SLC23A2: variants seen among roughly 807,000 people sequenced by gnomAD.
SLC23A2 encodes solute carrier family 23 member 2, also known as Na(+)/L-ascorbic acid transporter 2.
SLC23A2 carries 36 observed loss-of-function variants against 73.3 expected under a neutral mutation model. The observed-to-expected ratio is 0.49, with a 90% CI of 0.38 to 0.65. The LOEUF (loss-of-function observed/expected upper bound fraction) is 0.65, where lower values mean the gene tolerates loss of function less well. SLC23A2 is among the 30% of genes least tolerant of loss of function. The pLI is 0.00. For missense variants in SLC23A2, 507 were observed against 841.6 expected (o/e 0.60, Z 4.92); for synonymous variants, 343 against 327.3 (o/e 1.05, Z -0.52).
At chr20:4,871,695 T>G (rs988482218) in intron 11 of SLC23A2, among the ~76,000 whole-genome samples, 1 of 152,062 alleles carries the variant, frequency 6.6e-6, no homozygotes, top group Non-Finnish European at 1.5e-5. Context: ...CGGCCCTTGG[T>G]CAGGGGTGCA....
At chr20:4,879,669 C>T (rs1014257698) in intron 9 of SLC23A2, among the ~76,000 whole-genome samples, 7 of 152,000 alleles carry the variant, frequency 4.6e-5, no homozygotes, top group South Asian at 4.1e-4. Context: ...GGTGATGGAG[C>T]GGGATCCTGT....
At chr20:4,974,061 G>A (rs2087606330) in intron 1 of SLC23A2, among the ~76,000 whole-genome samples, 1 of 152,142 alleles carries the variant, frequency 6.6e-6, no homozygotes, top group African/African-American at 2.4e-5. Context: ...TCAAAAGCAG[G>A]AAGGAGAGAA....
At chr20:4,864,699 A>G (rs1215032760) in intron 13 of SLC23A2, among the ~76,000 whole-genome samples, 1 of 152,202 alleles carries the variant, frequency 6.6e-6, no homozygotes, top group Non-Finnish European at 1.5e-5. Context: ...TCTCACTGCT[A>G]TGCTGTTCTG....
intron 10 of SLC23A2, 82 bp from the exon 11 acceptor site, chr20:4,874,174 T>TGTTTTTTGTGTTTC: frequency 7.3e-7 from 1 of 1,371,828 alleles, no homozygotes; most frequent in East Asian, 2.3e-5. Context: ...GCGGTCGGAA[T>TGTTTTTTGTGTTTC]ATCACACCCC....
intron 2 of SLC23A2, among the ~76,000 whole-genome samples, chr20:4,967,530 C>T (rs1044494305): frequency 1.3e-5 from 2 of 152,178 alleles, no homozygotes; most frequent in Admixed American, 1.3e-4. Context: ...TGTGAAACCA[C>T]CCAATTTCTC....
At chr20:4,952,527 G>A (rs751264703) in intron 2 of SLC23A2, among the ~76,000 whole-genome samples, 3 of 152,072 alleles carry the variant, frequency 2.0e-5, no homozygotes, top group Non-Finnish European at 2.9e-5. Flanking sequence ...AAGAAAAGGA[G>A]GGAAAGAAAG....
At chr20:4,928,512 C>A (rs1715371) in intron 3 of SLC23A2, among the ~76,000 whole-genome samples, 5,960 of 152,230 alleles carry the variant, frequency 0.039, 172 homozygotes, top group Middle Eastern at 0.085. Flanking sequence ...GCATCCCTGA[C>A]ACCAAATCAT....
intron 6 of SLC23A2, among the ~76,000 whole-genome samples, chr20:4,892,122 G>C (rs1314480682): frequency 6.6e-6 from 1 of 152,012 alleles, no homozygotes; most frequent in Non-Finnish European, 1.5e-5. Context: ...CCAAAGTCAC[G>C]TGACTATTAA....
At chr20:4,894,000 G>T (rs1398573550) in intron 6 of SLC23A2, among the ~76,000 whole-genome samples, 1 of 152,136 alleles carries the variant, frequency 6.6e-6, no homozygotes, top group Non-Finnish European at 1.5e-5. Flanking sequence ...AAGCTCAGAG[G>T]TGCCACAAAA....
chr20:4,928,603 A>G (rs1359599768), intron 3 of SLC23A2, among the ~76,000 whole-genome samples: 1 of 152,120 alleles, frequency 6.6e-6, no homozygotes, highest in Non-Finnish European at 1.5e-5. Context: ...CCATGATTCC[A>G]GCTCTATTCC....
At chr20:4,874,232 T>C (rs1930568481) in intron 10 of SLC23A2, 140 bp from the exon 11 acceptor site, 5 of 726,644 alleles carry the variant, frequency 6.9e-6, no homozygotes, top group Admixed American at 3.0e-5. Flanking sequence ...GAATGGACTC[T>C]CACTGAGAGA....
intron 4 of SLC23A2, among the ~76,000 whole-genome samples, chr20:4,905,929 G>A (rs369758647): frequency 6.6e-6 from 1 of 152,194 alleles, no homozygotes; most frequent in Non-Finnish European, 1.5e-5. Flanking sequence ...CCGCTGTAGC[G>A]TTTCAAACTG....
rs781271986 is a variant in SLC23A2 at position 4,859,243 on chromosome 20, T to TAAA, written c.1720+45_1720+46insTTT. On this transcript the variant is annotated intron_variant, in intron 16 of 16. Transcript: ENST00000338244. ...TTTGGCAAAAAAAGTAACACATATGTTAAAAAATAAAAAAAAAAAAAGTGT... is the reference window on the plus strand; with the variant it reads ...TTTGGCAAAAAAAGTAACACATATGTAAATAAAAAATAAAAAAAAAAAAAGTGT... 5,101 of 1,071,164 alleles carry TAAA rather than the reference T, an allele frequency of 4.8e-3. 221 individuals are homozygous for TAAA. Among genetic ancestry groups the TAAA allele is most frequent in the South Asian group, 7.9e-3 (549 of 69,528 alleles). 66.4% of individuals were successfully genotyped at this position (1,071,164 alleles called of 1,614,324 possible). A position where few individuals can be genotyped will look rare whatever the true frequency, so the allele number is the denominator to read the frequency against.
intron 3 of SLC23A2, among the ~76,000 whole-genome samples, chr20:4,917,408 G>A (rs985673565): frequency 2.0e-5 from 3 of 152,118 alleles, no homozygotes; most frequent in Admixed American, 6.6e-5. Context: ...TGAGTACAGC[G>A]GGGAGATGCC....
chr20:4,990,308 T>C (rs1033895428), intron 1 of SLC23A2, among the ~76,000 whole-genome samples: 7 of 152,146 alleles, frequency 4.6e-5, no homozygotes, highest in African/African-American at 1.7e-4. Flanking sequence ...TACTTGAGGC[T>C]GGGAGCTGGA....
intron 1 of SLC23A2, among the ~76,000 whole-genome samples, chr20:4,979,758 T>C (rs2087698333): frequency 6.6e-6 from 1 of 152,166 alleles, no homozygotes; most frequent in African/African-American, 2.4e-5. Context: ...AGAAAAATGT[T>C]TCCTATGAAA....
intron 3 of SLC23A2, among the ~76,000 whole-genome samples, chr20:4,926,768 T>C (rs1195992819): frequency 1.1e-4 from 16 of 152,136 alleles, no homozygotes; most frequent in African/African-American, 2.4e-5. Context: ...TAAGTATGGA[T>C]TTGTTCTTTT....
chr20:4,893,061 G>A (rs1166626178), intron 6 of SLC23A2, among the ~76,000 whole-genome samples: 3 of 151,676 alleles, frequency 2.0e-5, no homozygotes, highest in African/African-American at 7.3e-5. Context: ...CATGCTATCT[G>A]CAACTTTACT....
chr20:4,917,671 C>T (rs534968468), intron 3 of SLC23A2, among the ~76,000 whole-genome samples: 7 of 152,272 alleles, frequency 4.6e-5, no homozygotes, highest in Non-Finnish European at 8.8e-5. Flanking sequence ...TTGCACAGGT[C>T]CAGCTGTCTG....
Sources: allele counts gnomAD v4.1 joint callset (sites outside exome capture counted in the v4.1 genomes callset), GRCh38; gene constraint gnomAD v4.1.1; transcripts MANE v1.5; gene names NCBI Gene and HGNC (gene_info 2026-07-23, HGNC 2026-07-21).